PKD1L3: variants seen among roughly 807,000 people sequenced by gnomAD.
The protein encoded by PKD1L3 is polycystin 1 like 3, transient receptor potential channel interacting.
A neutral mutation model predicts 184.1 loss-of-function variants in PKD1L3; 239 were observed. That is an observed-to-expected ratio of 1.30 (90% CI 1.17 to 1.45). The LOEUF is 1.45. PKD1L3 is among the 40% of genes most tolerant of loss of function. The pLI is 0.00. For synonymous variants in PKD1L3, 996 were observed against 778.8 expected (o/e 1.28, Z -4.64); for missense variants, 2,660 against 2,067.2 (o/e 1.29, Z -5.56).
chr16:71,986,451 G>T lies in PKD1L3; in HGVS notation c.604C>A (p.Pro202Thr), dbSNP rs1052819344. ...AGTACTGAAGGAAACTGGCTGATGG[G>T]ATGACACAGGGTCTTGGACTAAAAG... ...PAHLSKTLCH[P>T]ISQFPSVLSS... The change falls in exon 5 of 30, where the codon CCC (proline) becomes ACC (threonine). Residue 202 changes from proline (P) to threonine (T), a missense_variant. By Grantham distance (38) the Pro-to-Thr change is conservative. Transcript: ENST00000620267. The T allele has an allele frequency of 1.9e-6, 3 of 1,551,858 alleles. No individual in the cohort carries two copies. Among genetic ancestry groups the T allele is most frequent in the Non-Finnish European group, 2.6e-6 (3 of 1,146,816 alleles).
At chr16:71,983,942 C>G in intron 6 of PKD1L3, 94 bp downstream of exon 6, 2 of 1,468,094 alleles carry the variant, frequency 1.4e-6, no homozygotes, top group Non-Finnish European at 1.8e-6. Flanking sequence ...GGATTACAGG[C>G]GTGAGCCACC....
chr16:71,940,447 C>G (rs1488734847), intron 24 of PKD1L3, among the ~76,000 whole-genome samples: 1 of 152,102 alleles, frequency 6.6e-6, no homozygotes, highest in Non-Finnish European at 1.5e-5. Flanking sequence ...AAAAGAGAGA[C>G]TTAGATACCC....
At chr16:71,966,091 G>T (rs563670835) in intron 15 of PKD1L3, among the ~76,000 whole-genome samples, 4 of 151,934 alleles carry the variant, frequency 2.6e-5, no homozygotes, top group South Asian at 4.1e-4. Flanking sequence ...TAGCTAGGGG[G>T]AAAAATGTAT....
At chr16:71,954,002 G>A (rs1322461615) in intron 17 of PKD1L3, 103 bp downstream of exon 17, 4 of 990,452 alleles carry the variant, frequency 4.0e-6, no homozygotes, top group Non-Finnish European at 5.6e-6. Flanking sequence ...GATCACTTGA[G>A]GCCAGGAGTT....
intron 24 of PKD1L3, among the ~76,000 whole-genome samples, chr16:71,938,197 C>T (rs566205817): frequency 1.3e-4 from 20 of 152,378 alleles, no homozygotes; most frequent in African/African-American, 4.3e-4. Flanking sequence ...TGGCCTCTCC[C>T]CACTCCCAGC....
At position 71,942,555 on chromosome 16, in the gene PKD1L3, G is replaced by A. The variant is rs911705114; in HGVS notation, c.4324+5C>T. 4 of 1,548,634 alleles carry A rather than the reference G, an allele frequency of 2.6e-6. No homozygotes were observed. Among genetic ancestry groups the A allele is most frequent in the Non-Finnish European group, 3.5e-6 (4 of 1,144,656 alleles). ...TGGTTGAATTCCAGGGGTCACTCCA[G>A]TTACCTCTCATGATGTAACTGAATC... On this transcript the variant is annotated splice_donor_5th_base_variant and intron_variant, in intron 24 of 29. Coordinates refer to ENST00000620267, the MANE Select transcript of PKD1L3 (RefSeq NM_181536.2).
intron 16 of PKD1L3, among the ~76,000 whole-genome samples, chr16:71,962,435 G>A (rs538202826): frequency 5.9e-5 from 9 of 152,244 alleles, no homozygotes; most frequent in Admixed American, 1.3e-4. Flanking sequence ...ATATTATACC[G>A]TTCTCCTGGT....
intron 26 of PKD1L3, 71 bp from the exon 27 acceptor site, chr16:71,934,196 T>G: frequency 1.4e-6 from 2 of 1,427,196 alleles, no homozygotes; most frequent in African/African-American, 2.8e-5. Flanking sequence ...CCAGCGCCCC[T>G]GCTGCTGATC....
At position 71,973,496 on chromosome 16, in the gene PKD1L3, A is replaced by C; in HGVS notation, c.1781T>G (p.Leu594Arg). 1 of 1,551,878 alleles carries C rather than the reference A, an allele frequency of 6.4e-7. No homozygotes were observed. Among genetic ancestry groups the C allele is most frequent in the Non-Finnish European group, 8.7e-7 (1 of 1,147,062 alleles). ...CCCGTGCTGCAGATGCTCTGGATTC[A>C]GCACCCACGTGTACTCCTCATCTTA... ...WQKDEEYTWV[L>R]NPEHLQHGIG... Residue 594 changes from leucine (L) to arginine (R), a missense_variant, in exon 12 of 30, where the codon CTG (leucine) becomes CGG (arginine). Transcript: ENST00000620267.
chr16:71,948,302 C>T (rs1257580485), intron 21 of PKD1L3, among the ~76,000 whole-genome samples: 1 of 152,140 alleles, frequency 6.6e-6, no homozygotes, highest in African/African-American at 2.4e-5. Context: ...AGGCTGGTCT[C>T]AAACTCCTGA....
At chr16:71,934,652 G>C (rs1379357092) in intron 26 of PKD1L3, among the ~76,000 whole-genome samples, 2 of 152,140 alleles carry the variant, frequency 1.3e-5, no homozygotes, top group East Asian at 1.9e-4. Context: ...TTGAGAGAGA[G>C]ACATTCATAA....
intron 6 of PKD1L3, among the ~76,000 whole-genome samples, chr16:71,983,687 G>GC (rs1360422609): frequency 9.1e-6 from 1 of 109,352 alleles, no homozygotes; most frequent in Non-Finnish European, 1.7e-5. Context: ...TTTTTTTTTG[G>GC]AGACACAGTC....
rs572850942 is a variant in PKD1L3, at chr16:71,984,362, T to A, written c.835-195A>T. On this transcript the variant is annotated intron_variant, in intron 5 of 29. Transcript: ENST00000620267. Reference sequence around the variant, plus strand: ...ATTTATTTCTACTTCTTCCATACGATAGAGAAAATGAATAACGAGATTATA... The same window carrying A: ...ATTTATTTCTACTTCTTCCATACGAAAGAGAAAATGAATAACGAGATTATA... Among the ~76,000 whole-genome samples, 3 of 152,264 alleles carry A rather than the reference T, an allele frequency of 2.0e-5. No individual in the cohort carries two copies. In the East Asian group the frequency reaches 5.8e-4, roughly 29 times the overall value.
rs1406967903 is a variant in PKD1L3 at position 71,978,234 on chromosome 16, TC to T, written c.1527+20del. 1 of 1,543,492 alleles carries T rather than the reference TC, an allele frequency of 6.5e-7. No individual in the cohort carries two copies. Among genetic ancestry groups the T allele is most frequent in the Non-Finnish European group, 8.8e-7 (1 of 1,141,076 alleles). ...AATATCCCATTCTCTTCTATTTTAT[TC>T]CCTAAGAATCAGTTCCTACCTCAAT... On this transcript the variant is annotated intron_variant, in intron 10 of 29. Transcript: ENST00000620267.
At chr16:71,987,788 G>A (rs2040430927) in intron 4 of PKD1L3, among the ~76,000 whole-genome samples, 1 of 152,150 alleles carries the variant, frequency 6.6e-6, no homozygotes, top group Non-Finnish European at 1.5e-5. Flanking sequence ...ACAGGCATGA[G>A]GCACTGTGTC....
At chr16:71,935,756 G>A (rs1190784923) in intron 25 of PKD1L3, among the ~76,000 whole-genome samples, 2 of 152,134 alleles carry the variant, frequency 1.3e-5, no homozygotes, top group Admixed American at 6.5e-5. Context: ...TCTTTTTCTT[G>A]GAGATCATAA....
rs139223354 is a variant in PKD1L3 at position 71,937,910 on chromosome 16, A to G, written c.4325-491T>C. 3.9e-5 allele frequency among the ~76,000 whole-genome samples: 6 copies of G among 152,294 alleles called. No homozygotes were observed. The East Asian group carries it at 1.2e-3, about 29-fold the overall frequency. On this transcript the variant is annotated intron_variant, in intron 24 of 29. Transcript: ENST00000620267. ...ATACAAACCTTTCACAAAGCTTCAA[A>G]ATATTAGTGATGGCAGCAGCACCCT...
rs112221429 is a variant in PKD1L3 at position 71,931,509 on chromosome 16, G to A, written c.4927-1326C>T. 7.8e-3 allele frequency among the ~76,000 whole-genome samples: 910 copies of A among 116,940 alleles called. 13 individuals carry two copies. Among genetic ancestry groups the A allele is most frequent in the African/African-American group, 0.027 (797 of 29,554 alleles). 76.7% of individuals were successfully genotyped at this position (116,940 alleles called of 152,430 possible). A position where few individuals can be genotyped will look rare whatever the true frequency, so the allele number is the denominator to read the frequency against. On this transcript the variant is annotated intron_variant, in intron 28 of 29. Coordinates refer to ENST00000620267, the MANE Select transcript of PKD1L3 (RefSeq NM_181536.2). ...TTTGAAATGGTCTTGCTCTCACCCC[G>A]GCTGGAGTGCAGTGGCGTGATCTTG...
At chr16:71,988,257 C>G (rs35338546) in intron 4 of PKD1L3, among the ~76,000 whole-genome samples, 2 of 151,996 alleles carry the variant, frequency 1.3e-5, no homozygotes, top group Non-Finnish European at 2.9e-5. Flanking sequence ...TTCAGCGGTG[C>G]GATCTTGGCT....
Sources: gnomAD v4.1 joint callset for allele counts (sites outside exome capture counted in the v4.1 genomes callset) on GRCh38, gnomAD v4.1.1 for gene constraint, MANE v1.5 for transcripts, NCBI Gene and HGNC (gene_info 2026-07-23, HGNC 2026-07-21) for gene names.